The following SLC39A11 variants were observed in gnomAD, a reference collection of about 807,000 sequenced individuals.
The protein encoded by SLC39A11 is zinc transporter ZIP11.
A neutral mutation model predicts 36.1 loss-of-function variants in SLC39A11; 33 were observed. The observed-to-expected ratio is 0.91, with a 90% CI of 0.69 to 1.22. The LOEUF (loss-of-function observed/expected upper bound fraction) is 1.22, where lower values mean the gene tolerates loss of function less well. Ranked by LOEUF, SLC39A11 falls within the 50% of genes most tolerant of loss-of-function variation. SLC39A11 has a pLI of 0.00. For missense variants in SLC39A11, 432 were observed against 430.3 expected (o/e 1.00, Z -0.03); for synonymous variants, 166 against 170.3 (o/e 0.97, Z 0.20).
chr17:72,978,535 C>A (rs906534204), intron 4 of SLC39A11, among the ~76,000 whole-genome samples: 2 of 152,094 alleles, frequency 1.3e-5, no homozygotes, highest in African/African-American at 4.8e-5. Flanking sequence ...GAGGCAGCCA[C>A]GCACAGAGCT....
intron 3 of SLC39A11, among the ~76,000 whole-genome samples, chr17:73,070,272 C>G (rs1184852745): frequency 6.6e-6 from 1 of 152,144 alleles, no homozygotes; most frequent in Non-Finnish European, 1.5e-5. Context: ...ACAAATGCCC[C>G]CAACCCAGGC....
intron 6 of SLC39A11, among the ~76,000 whole-genome samples, chr17:72,738,469 A>G (rs891305341): frequency 1.3e-5 from 2 of 152,144 alleles, no homozygotes; most frequent in African/African-American, 4.8e-5. Flanking sequence ...CCTGTGGTAC[A>G]TGGGCTTGCC....
intron 3 of SLC39A11, among the ~76,000 whole-genome samples, chr17:73,058,009 CTTTT>C (rs11322974): frequency 1.7e-5 from 2 of 118,502 alleles, no homozygotes; most frequent in East Asian, 2.3e-4. Context: ...GTTTTAGACT[CTTTT>C]TTTTTTTTTT....
chr17:72,839,158 A>T (rs1430140024), intron 6 of SLC39A11: 4 of 152,196 alleles, frequency 2.6e-5, no homozygotes, highest in African/African-American at 7.2e-5. Flanking sequence ...CTAAGACTCC[A>T]TAAGAGCCAG....
chr17:72,793,752 A>G (rs753600578), intron 6 of SLC39A11, among the ~76,000 whole-genome samples: 17 of 152,214 alleles, frequency 1.1e-4, no homozygotes, highest in Non-Finnish European at 1.6e-4. Flanking sequence ...CTTGATGTGC[A>G]CATCGTTCTA....
chr17:72,997,907 T>C (rs2089610410), intron 4 of SLC39A11, among the ~76,000 whole-genome samples: 1 of 152,182 alleles, frequency 6.6e-6, no homozygotes, highest in Non-Finnish European at 1.5e-5. Flanking sequence ...AATTTGAATA[T>C]GTCAAAGAGA....
intron 6 of SLC39A11, among the ~76,000 whole-genome samples, chr17:72,756,369 C>G (rs1286113230): frequency 6.6e-6 from 1 of 152,214 alleles, no homozygotes; most frequent in African/African-American, 2.4e-5. Flanking sequence ...CAGCTCAAAC[C>G]TGGAAGCAAC....
chr17:73,001,174 G>A (rs948497679), intron 4 of SLC39A11, among the ~76,000 whole-genome samples: 5 of 151,956 alleles, frequency 3.3e-5, no homozygotes, highest in Non-Finnish European at 5.9e-5. Flanking sequence ...TCCTCATCCC[G>A]AGCAGTGGTA....
intron 5 of SLC39A11, among the ~76,000 whole-genome samples, chr17:72,890,666 G>C (rs1185511725): frequency 1.3e-5 from 2 of 152,190 alleles, no homozygotes; most frequent in Non-Finnish European, 2.9e-5. Context: ...GGCAAGAGCA[G>C]GGGGATTTCA....
At chr17:72,714,191 A>T (rs1443766797) in intron 7 of SLC39A11, among the ~76,000 whole-genome samples, 1 of 152,026 alleles carries the variant, frequency 6.6e-6, no homozygotes, top group Admixed American at 6.6e-5. Flanking sequence ...CCTCGTCTCT[A>T]CTAAAAATAC....
chr17:73,005,776 G>A (rs1404405008), intron 4 of SLC39A11, among the ~76,000 whole-genome samples: 3 of 152,024 alleles, frequency 2.0e-5, no homozygotes, highest in Non-Finnish European at 2.9e-5. Flanking sequence ...GTGAACCCAC[G>A]TCTCTACTAA....
intron 6 of SLC39A11, among the ~76,000 whole-genome samples, chr17:72,750,680 T>C (rs2075122026): frequency 6.6e-6 from 1 of 152,034 alleles, no homozygotes; most frequent in South Asian, 2.1e-4. Context: ...CTCAGATCAC[T>C]AGTATGTTTT....
At chr17:72,660,648 G>A (rs1474449480) in intron 7 of SLC39A11, among the ~76,000 whole-genome samples, 2 of 152,200 alleles carry the variant, frequency 1.3e-5, no homozygotes, top group African/African-American at 4.8e-5. Context: ...CTGGTCAACA[G>A]GGAGGGCAGG....
chr17:72,754,203 C>G (rs1281118545), intron 6 of SLC39A11, among the ~76,000 whole-genome samples: 1 of 151,602 alleles, frequency 6.6e-6, no homozygotes, highest in Non-Finnish European at 1.5e-5. Context: ...GAATGGAAAA[C>G]CAAACATCAT....
chr17:73,073,550 C>T (rs1249941445), intron 3 of SLC39A11: 1 of 152,230 alleles, frequency 6.6e-6, no homozygotes, highest in African/African-American at 2.4e-5. Context: ...AGGCACCTCC[C>T]TTGTTATTGC....
At chr17:72,768,492 G>A (rs2075826894) in intron 6 of SLC39A11, among the ~76,000 whole-genome samples, 1 of 152,162 alleles carries the variant, frequency 6.6e-6, no homozygotes, top group African/African-American at 2.4e-5. Context: ...GAGCCCCAGA[G>A]GCAGAGGGTA....
chr17:73,092,372 T>C (rs1346622657), intron 1 of SLC39A11: 1 of 152,306 alleles, frequency 6.6e-6, no homozygotes, highest in Non-Finnish European at 1.5e-5. Flanking sequence ...CAGATCACCC[T>C]GGAGAGGGAC....
At chr17:72,967,397 A>AGTGTGTGTGTGTGTGT (rs1372219975) in intron 4 of SLC39A11, among the ~76,000 whole-genome samples, 3 of 140,796 alleles carry the variant, frequency 2.1e-5, no homozygotes, top group African/African-American at 8.8e-5. Flanking sequence ...AGAGAGAGAG[A>AGTGTGTGTGTGTGTGT]GAGTGTGTGT....
At chr17:72,656,761 G>A (rs1170075317) in intron 7 of SLC39A11, among the ~76,000 whole-genome samples, 2 of 152,184 alleles carry the variant, frequency 1.3e-5, no homozygotes, top group East Asian at 1.9e-4. Context: ...AGAGAACCGC[G>A]AGGAAGGGGG....
Sources: allele counts gnomAD v4.1 joint callset (sites outside exome capture counted in the v4.1 genomes callset), GRCh38; gene constraint gnomAD v4.1.1; transcripts MANE v1.5; gene names NCBI Gene and HGNC (gene_info 2026-07-23, HGNC 2026-07-21).